Variants in CHRNB3 observed in about 807,000 individuals in gnomAD.
CHRNB3 encodes the protein cholinergic receptor nicotinic beta 3 subunit.
In CHRNB3, 37 loss-of-function variants were observed where a neutral mutation model predicts 40.6. That is an observed-to-expected ratio of 0.91 (90% CI 0.70 to 1.20). The LOEUF (loss-of-function observed/expected upper bound fraction) is 1.20, where lower values mean the gene tolerates loss of function less well. Among genes scored for constraint, CHRNB3 ranks in the 50% most tolerant of loss-of-function variants. The probability of loss-of-function intolerance (pLI) is 0.00; values close to 1 mark genes in which losing one functional copy is unlikely to be tolerated. For synonymous variants in CHRNB3, 207 were observed against 207.1 expected (o/e 1.00, Z 0.00); for missense variants, 505 against 551.2 (o/e 0.92, Z 0.84).
At position 42,731,773 on chromosome 8, in the gene CHRNB3, G is replaced by T; in HGVS notation, c.466G>T (p.Asp156Tyr). The change falls in exon 5 of 6, where the codon GAC becomes TAC. Residue 156 changes from aspartate to tyrosine, a missense_variant. Coordinates refer to ENST00000289957, the MANE Select transcript of CHRNB3 (RefSeq NM_000749.5). ...PASYKSSCTM[D>Y]VTFFPFDRQN... ...CAGCTACAAAAGCTCCTGCACCATG[G>T]ACGTCACGTTTTTCCCGTTCGACCG... 1 of 1,614,068 alleles carries T rather than the reference G, an allele frequency of 6.2e-7. No homozygotes were observed. Among genetic ancestry groups the T allele is most frequent in the Non-Finnish European group, 8.5e-7 (1 of 1,180,028 alleles).
rs1018185242 is a variant in CHRNB3 at position 42,697,411 on chromosome 8, A to G, written c.-136A>G. ...AGAGGGGTTGAGATTGTTTTATTCC[A>G]CTCCAGGTGTTGCTGTCCTCTTGGG... On this transcript the variant is annotated 5_prime_UTR_variant, in exon 1 of 6. Transcript: ENST00000289957. The G allele has an allele frequency of 2.2e-5, 15 of 682,980 alleles. No homozygotes were observed. In the Admixed American group the frequency reaches 3.3e-4, roughly 15 times the overall value. 42.3% of individuals were successfully genotyped at this position (682,980 alleles called of 1,614,324 possible).
chr8:42,710,244 G>A (rs1410335166), intron 2 of CHRNB3, 146 bp from the exon 3 acceptor site: 16 of 641,956 alleles, frequency 2.5e-5, no homozygotes, highest in Non-Finnish European at 3.5e-5. Context: ...CTTGAGCCCC[G>A]GAGGTTGAGG....
At chr8:42,720,965 G>A (rs2128907286) in intron 3 of CHRNB3, among the ~76,000 whole-genome samples, 2 of 152,340 alleles carry the variant, frequency 1.3e-5, no homozygotes, top group South Asian at 4.1e-4. Flanking sequence ...CAAGAAGCAG[G>A]TGATTTCATT....
chr8:42,731,739 C>G lies in CHRNB3; in HGVS notation c.432C>G (p.Thr144=). 2 of 1,614,002 alleles carry G rather than the reference C, an allele frequency of 1.2e-6. No homozygotes were observed. Among genetic ancestry groups the G allele is most frequent in the Admixed American group, 1.7e-5 (1 of 59,990 alleles). The change falls in exon 5 of 6, where the codon ACC becomes ACG. Residue 144 remains threonine (T), a synonymous_variant. Coordinates refer to ENST00000289957, the MANE Select transcript of CHRNB3 (RefSeq NM_000749.5). ...AATCAAACGGAACTGTTGTCTGGAC[C>G]CCTCCCGCCAGCTACAAAAGCTCCT... is the stretch of plus-strand genomic sequence containing the variant. ...IVKSNGTVVW[T]PPASYKSSCT...
chr8:42,719,752 GCT>G (rs1816185592), intron 3 of CHRNB3, among the ~76,000 whole-genome samples: 1 of 152,256 alleles, frequency 6.6e-6, no homozygotes, highest in South Asian at 2.1e-4. Context: ...TGTGAAGAAT[GCT>G]CTCTCACCCT....
chr8:42,713,380 T>C (rs1816051314), intron 3 of CHRNB3, among the ~76,000 whole-genome samples: 1 of 152,002 alleles, frequency 6.6e-6, no homozygotes, highest in Non-Finnish European at 1.5e-5. Flanking sequence ...GGTGGGTGTC[T>C]TCAAGCCAAG....
At chr8:42,723,144 C>T (rs901472500) in intron 3 of CHRNB3, among the ~76,000 whole-genome samples, 56 of 150,060 alleles carry the variant, frequency 3.7e-4, no homozygotes, top group Admixed American at 1.1e-3. Flanking sequence ...ACTAAAATAT[C>T]GTAAGTAATA....
In CHRNB3 at chr8:42,724,525, T is replaced by G. The variant is rs188565035; in HGVS notation, c.250-6069T>G. ...GAATCTCCAGATTCAATTATGTCCCTGGGGTTGGTCGACTGCTACAGGAGT... is the reference window on the plus strand; with the variant it reads ...GAATCTCCAGATTCAATTATGTCCCGGGGGTTGGTCGACTGCTACAGGAGT... On this transcript the variant is annotated intron_variant, in intron 3 of 5. Coordinates refer to ENST00000289957, the MANE Select transcript of CHRNB3 (RefSeq NM_000749.5). Among the ~76,000 whole-genome samples, 763 of 152,272 alleles carry G rather than the reference T, an allele frequency of 5.0e-3. 18 individuals are homozygous for G. The highest frequency in any genetic ancestry group is 0.017 in the African/African-American group (724 of 41,516).
In CHRNB3 at chr8:42,732,294, C is replaced by T. The variant is rs1444500265; in HGVS notation, c.987C>T (p.His329=). 6.2e-7 allele frequency: 1 copy of T among 1,607,000 alleles called. No individual in the cohort carries two copies. The highest frequency in any genetic ancestry group is 8.5e-7 in the Non-Finnish European group (1 of 1,177,992). ...NVHHRSSSTY[H]PMAPWVKRLF... The stretch of plus-strand genomic sequence containing the variant: ...ACCACAGATCTTCTTCCACGTACCA[C>T]CCCATGGCCCCCTGGGTTAAGAGGC... The change falls in exon 5 of 6, where the codon CAC becomes CAT. Residue 329 remains histidine, a synonymous_variant. Transcript: ENST00000289957.
intron 3 of CHRNB3, among the ~76,000 whole-genome samples, chr8:42,713,087 C>A (rs571810923): frequency 6.6e-6 from 1 of 151,990 alleles, no homozygotes; most frequent in East Asian, 1.9e-4. Context: ...GTCTCGAACT[C>A]CTGATGTCAG....
At chr8:42,715,132 AAAG>A (rs1816078263) in intron 3 of CHRNB3, 1 of 152,188 alleles carries the variant, frequency 6.6e-6, no homozygotes, top group Non-Finnish European at 1.5e-5. Context: ...CCACCGCCTG[AAAG>A]AAGAGGACAT....
chr8:42,709,451 C>T (rs2128905430), intron 2 of CHRNB3, among the ~76,000 whole-genome samples: 1 of 151,624 alleles, frequency 6.6e-6, no homozygotes, highest in South Asian at 2.1e-4. Context: ...CAAAATTGTC[C>T]TTCTATGATC....
rs143159177 is a variant in CHRNB3, at chr8:42,728,847, G to T, written c.250-1747G>T. ...AATTTTATTGTAAGTAAATTTTTAC[G>T]AAGTGCATAAAGTGGAATTGAAACA... On this transcript the variant is annotated intron_variant, in intron 3 of 5. Coordinates refer to ENST00000289957, the MANE Select transcript of CHRNB3 (RefSeq NM_000749.5). Among the ~76,000 whole-genome samples the T allele has an allele frequency of 9.4e-3, 1,430 of 152,182 alleles. 26 individuals are homozygous for T. Among genetic ancestry groups the T allele is most frequent in the African/African-American group, 0.032 (1,334 of 41,476 alleles).
intron 3 of CHRNB3, among the ~76,000 whole-genome samples, chr8:42,724,942 C>G (rs1816280001): frequency 6.6e-6 from 1 of 151,928 alleles, no homozygotes; most frequent in Non-Finnish European, 1.5e-5. Context: ...AAGACTGTGC[C>G]ACTGCACTTC....
At chr8:42,699,089 T>C (rs1815731251) in intron 1 of CHRNB3, among the ~76,000 whole-genome samples, 1 of 152,270 alleles carries the variant, frequency 6.6e-6, no homozygotes, top group Non-Finnish European at 1.5e-5. Context: ...TTTAAATCTG[T>C]CCCATATTTC....
chr8:42,706,594 A>G (rs1231702977), intron 1 of CHRNB3, among the ~76,000 whole-genome samples: 1 of 152,022 alleles, frequency 6.6e-6, no homozygotes, highest in Non-Finnish European at 1.5e-5. Context: ...GAGAGGAGTC[A>G]AGGATGACTT....
intron 3 of CHRNB3, chr8:42,726,072 C>T: frequency 1.0e-6 from 1 of 955,950 alleles, no homozygotes; most frequent in Non-Finnish European, 1.7e-6. Flanking sequence ...AGGAATGATT[C>T]CAGTTGTTTA....
At chr8:42,728,576 A>G (rs1437203716) in intron 3 of CHRNB3, among the ~76,000 whole-genome samples, 1 of 152,096 alleles carries the variant, frequency 6.6e-6, no homozygotes, top group Non-Finnish European at 1.5e-5. Flanking sequence ...AAGAATCTAA[A>G]TGCATTGCTA....
At chr8:42,721,116 A>G (rs912513352) in intron 3 of CHRNB3, among the ~76,000 whole-genome samples, 2 of 152,230 alleles carry the variant, frequency 1.3e-5, no homozygotes, top group Non-Finnish European at 2.9e-5. Context: ...GCTCTTAGCT[A>G]TGTGCTTGCA....
Sources: gnomAD v4.1 joint callset for allele counts (sites outside exome capture counted in the v4.1 genomes callset) on GRCh38, gnomAD v4.1.1 for gene constraint, MANE v1.5 for transcripts, NCBI Gene and HGNC (gene_info 2026-07-23, HGNC 2026-07-21) for gene names.